BRIP1: variants seen among roughly 807,000 people sequenced by gnomAD.
BRIP1 encodes the protein Fanconi anemia group J protein.
Under a neutral mutation model 119.7 loss-of-function variants are expected in BRIP1, and 88 were observed. The observed-to-expected ratio is 0.74, with a 90% confidence interval of 0.62 to 0.88. The LOEUF is 0.88. Among genes scored for constraint, BRIP1 ranks in the 40% least tolerant of loss-of-function variants. The pLI is 0.00. For missense variants in BRIP1, 1,259 were observed against 1,455.4 expected, an observed-to-expected ratio of 0.87 and a Z score of 2.20; for synonymous variants, 443 against 496.5, an observed-to-expected ratio of 0.89 and a Z score of 1.43.
rs1356673624 is a variant in BRIP1 at position 61,685,720 on chromosome 17, C to T, written c.2905+116G>A. 2 of 952,062 alleles carry T rather than the reference C, an allele frequency of 2.1e-6. No homozygotes were observed. Among genetic ancestry groups the T allele is most frequent in the African/African-American group, 3.3e-5 (2 of 60,534 alleles). The allele number at this position is 952,062 out of a possible 1,614,324, so 59.0% of individuals were successfully genotyped here. The stretch of plus-strand genomic sequence containing the variant: ...ACTGTTTCACTATTTTATGATAACA[C>T]CTTATATTACAAACCACCATATTTA... On this transcript the variant is annotated intron_variant, in intron 19 of 19. Coordinates refer to ENST00000259008, the MANE Select transcript of BRIP1 (RefSeq NM_032043.3).
rs1280066733 is a variant in BRIP1, at chr17:61,842,142, TG to T, written c.627+4958del. Among the ~76,000 whole-genome samples the T allele has an allele frequency of 1.3e-5, 2 of 152,124 alleles. No homozygotes were observed. Among genetic ancestry groups the T allele is most frequent in the African/African-American group, 4.8e-5 (2 of 41,424 alleles). On this transcript the variant is annotated intron_variant, in intron 6 of 19. Coordinates refer to ENST00000259008, the MANE Select transcript of BRIP1 (RefSeq NM_032043.3). This position sits in a 1 kb window ranked among gnomAD's most constrained non-coding sequence, Gnocchi z 5.1. ...TGAAACCTTGTTATTTGCAGCAACATGGGTAAGCCTGGAAGATATTAAGTGA... is the reference window on the plus strand; with the variant it reads ...TGAAACCTTGTTATTTGCAGCAACATGGTAAGCCTGGAAGATATTAAGTGA...
At position 61,776,517 on chromosome 17, in the gene BRIP1, A is replaced by G. The variant is rs876660402; in HGVS notation, c.1981T>C (p.Cys661Arg). ...GTTTCAGTATTCTGGAAGGTAGCAC[A>G]GAGATTCCGACCCTTGGGGCCTGAC... ...IGSGPKGRNLCATFQNTETFE... is the reference protein window; with the variant it reads ...IGSGPKGRNLRATFQNTETFE... Residue 661 changes from cysteine to arginine, a missense_variant, in exon 14 of 20, where the codon TGT becomes CGT. Cys to Arg is a radical substitution (Grantham distance 180). This residue lies in a region of BRIP1 where 753 missense variants were observed against 891.8 expected (regional missense o/e 0.84). Transcript: ENST00000259008. This position sits in a 1 kb window ranked among gnomAD's most constrained non-coding sequence, Gnocchi z 5.0. 3 of 1,614,200 alleles carry G rather than the reference A, an allele frequency of 1.9e-6. No homozygotes were observed. The highest frequency in any genetic ancestry group is 1.3e-5 in the African/African-American group (1 of 75,060).
rs1013248459 is a variant in BRIP1, at chr17:61,717,858, C to G, written c.2380-1795G>C. ...ATGTCACTGACCCTCTTTTTTTTCACTCTACACTTCATTTTGGATAATTTT... is the reference window on the plus strand; with the variant it reads ...ATGTCACTGACCCTCTTTTTTTTCAGTCTACACTTCATTTTGGATAATTTT... On this transcript the variant is annotated intron_variant, in intron 16 of 19. Coordinates refer to ENST00000259008, the MANE Select transcript of BRIP1 (RefSeq NM_032043.3). This position sits in a 1 kb window ranked among gnomAD's most constrained non-coding sequence, Gnocchi z 4.1. 1.3e-5 allele frequency among the ~76,000 whole-genome samples: 2 copies of G among 151,878 alleles called. No homozygotes were observed. The highest frequency in any genetic ancestry group is 2.9e-5 in the Non-Finnish European group (2 of 67,968).
rs1222431614 is a variant in BRIP1, at chr17:61,709,724, CAA to C, written c.2492+6225_2492+6226del. ...TTAAATGAATTATGCCGGCTTGAGACAAAGATTATACTTTCAGTAAAGCAACA... is the reference window on the plus strand; with the variant it reads ...TTAAATGAATTATGCCGGCTTGAGACAGATTATACTTTCAGTAAAGCAACA... On this transcript the variant is annotated intron_variant, in intron 17 of 19. Coordinates refer to ENST00000259008, the MANE Select transcript of BRIP1 (RefSeq NM_032043.3). The surrounding 1 kb of genome is among the most constrained non-coding windows in gnomAD (Gnocchi z 5.0). Among the ~76,000 whole-genome samples, 3 of 152,150 alleles carry C rather than the reference CAA, an allele frequency of 2.0e-5. No homozygotes were observed. The highest frequency in any genetic ancestry group is 7.2e-5 in the African/African-American group (3 of 41,430).
rs2145640899 is a variant in BRIP1, at chr17:61,834,073, G to C, written c.627+13028C>G. On this transcript the variant is annotated intron_variant, in intron 6 of 19. Coordinates refer to ENST00000259008, the MANE Select transcript of BRIP1 (RefSeq NM_032043.3). This position sits in a 1 kb window ranked among gnomAD's most constrained non-coding sequence, Gnocchi z 4.4. ...ACTTTATTTATAAAAGCAGGCAGCA[G>C]GCTGTATTCTGCCCATGGGTCATAG... Among the ~76,000 whole-genome samples, 1 of 152,248 alleles carries C rather than the reference G, an allele frequency of 6.6e-6. No individual in the cohort carries two copies. Among genetic ancestry groups the C allele is most frequent in the South Asian group, 2.1e-4 (1 of 4,824 alleles).
intron 16 of BRIP1, among the ~76,000 whole-genome samples, chr17:61,741,340 A>G (rs2076984073): frequency 6.6e-6 from 1 of 152,180 alleles, no homozygotes; most frequent in Non-Finnish European, 1.5e-5. Flanking sequence ...GGATGGAATC[A>G]ATGACTTCCA....
intron 6 of BRIP1, among the ~76,000 whole-genome samples, chr17:61,819,184 TCAA>T (rs774539466): frequency 2.0e-5 from 1 of 49,326 alleles, no homozygotes; most frequent in African/African-American, 1.2e-4. Flanking sequence ...AGAATTTGTC[TCAA>T]AAAAAAAAAA....
intron 9 of BRIP1, among the ~76,000 whole-genome samples, chr17:61,797,468 C>A (rs1335424155): frequency 2.6e-5 from 4 of 151,916 alleles, no homozygotes; most frequent in Non-Finnish European, 4.4e-5. Context: ...CACTAGTGAT[C>A]TTGATCAAAA....
At position 61,754,798 on chromosome 17, in the gene BRIP1, A is replaced by C. The variant is rs991275950; in HGVS notation, c.2098-10207T>G. 1.3e-5 allele frequency among the ~76,000 whole-genome samples: 2 copies of C among 152,074 alleles called. No individual in the cohort carries two copies. The highest frequency in any genetic ancestry group is 4.8e-5 in the African/African-American group (2 of 41,414). The stretch of plus-strand genomic sequence containing the variant: ...GCCTTTCCTCTCTATTCAGAGAGGA[A>C]CAGGGAGAGAGAGCAATGAAGTTTT... On this transcript the variant is annotated intron_variant, in intron 14 of 19. Transcript: ENST00000259008. The surrounding 1 kb of genome is among the most constrained non-coding windows in gnomAD (Gnocchi z 4.1).
intron 17 of BRIP1, among the ~76,000 whole-genome samples, chr17:61,702,693 A>G (rs2061632616): frequency 6.6e-6 from 1 of 152,146 alleles, no homozygotes; most frequent in Non-Finnish European, 1.5e-5. Flanking sequence ...ACATTTTCTT[A>G]ATCCAGTCTA....
In BRIP1 at chr17:61,683,858, GA is replaced by G; in HGVS notation, c.3187del (p.Ser1063ArgfsTer15). 2 of 1,614,120 alleles carry G rather than the reference GA, an allele frequency of 1.2e-6. No homozygotes were observed. Among genetic ancestry groups the G allele is most frequent in the South Asian group, 2.2e-5 (2 of 91,078 alleles). On this transcript the variant is annotated frameshift_variant, in exon 20 of 20. Transcript: ENST00000259008. LOFTEE classifies it low-confidence loss of function (END_TRUNC). This position sits in a 1 kb window ranked among gnomAD's most constrained non-coding sequence, Gnocchi z 4.7. The part of the protein sequence containing the change: ...CESSNLTVNT[S>X]FGSCPQSETI... ...TTCTGATTGAGGGCATGATCCAAAC[GA>G]TGTGTTTACTGTCAGATTTGAGGAT...
intron 6 of BRIP1, among the ~76,000 whole-genome samples, chr17:61,833,603 G>C (rs1047338979): frequency 1.3e-5 from 2 of 151,524 alleles, no homozygotes; most frequent in Non-Finnish European, 1.5e-5. Context: ...CCCAGGAGGT[G>C]GAGGTTGCAG....
chr17:61,784,197 G>A (rs2145133179), intron 11 of BRIP1, 73 bp downstream of exon 11: 2 of 1,348,452 alleles, frequency 1.5e-6, no homozygotes, highest in Non-Finnish European at 2.1e-6. Context: ...AAATAGGTAT[G>A]TATTAAACAC....
At position 61,716,464 on chromosome 17, in the gene BRIP1, C is replaced by T. The variant is rs1189962918; in HGVS notation, c.2380-401G>A. ...CTTCCACTGCTGGCCCTGGCAACCA[C>T]TGATCTGCTTTCTGTTTTGCCCTTT... is the stretch of plus-strand genomic sequence containing the variant. On this transcript the variant is annotated intron_variant, in intron 16 of 19. Coordinates refer to ENST00000259008, the MANE Select transcript of BRIP1 (RefSeq NM_032043.3). 2.6e-5 allele frequency among the ~76,000 whole-genome samples: 4 copies of T among 152,086 alleles called. No homozygotes were observed. The East Asian group carries it at 7.7e-4, about 29-fold the overall frequency.
chr17:61,821,387 G>C (rs148873470), intron 6 of BRIP1, among the ~76,000 whole-genome samples: 10 of 152,100 alleles, frequency 6.6e-5, no homozygotes, highest in Admixed American at 3.3e-4. Flanking sequence ...TTGTTACTTG[G>C]GGGTGGAGAG....
intron 6 of BRIP1, among the ~76,000 whole-genome samples, chr17:61,840,275 T>C (rs1340356392): frequency 1.3e-5 from 2 of 149,740 alleles, no homozygotes; most frequent in Non-Finnish European, 3.0e-5. Flanking sequence ...GGAGAATCAC[T>C]TGAACCCAGG....
In BRIP1 at chr17:61,793,102, A is replaced by G. The variant is rs2145232567; in HGVS notation, c.1473+495T>C. On this transcript the variant is annotated intron_variant, in intron 10 of 19. Coordinates refer to ENST00000259008, the MANE Select transcript of BRIP1 (RefSeq NM_032043.3). This position sits in a 1 kb window ranked among gnomAD's most constrained non-coding sequence, Gnocchi z 5.2. The stretch of plus-strand genomic sequence containing the variant: ...TTATCGGCAAAAAACATTAGAAAAT[A>G]TAATGAAATTTATGCAGCCTCTATT... Among the ~76,000 whole-genome samples the G allele has an allele frequency of 6.6e-6, 1 of 152,316 alleles. No individual in the cohort carries two copies. The highest frequency in any genetic ancestry group is 1.5e-5 in the Non-Finnish European group (1 of 68,018).
intron 3 of BRIP1, among the ~76,000 whole-genome samples, chr17:61,858,560 A>T (rs1186197892): frequency 6.6e-6 from 1 of 151,986 alleles, no homozygotes; most frequent in Non-Finnish European, 1.5e-5. Flanking sequence ...TTTAGTAGAG[A>T]CGGGGTTTCT....
chr17:61,731,725 A>G (rs1049975556), intron 16 of BRIP1, among the ~76,000 whole-genome samples: 2 of 152,148 alleles, frequency 1.3e-5, no homozygotes, highest in Non-Finnish European at 2.9e-5. Context: ...AAGACCTGCT[A>G]TAACATTCCC....
Sources: gnomAD v4.1 joint callset for allele counts (sites outside exome capture counted in the v4.1 genomes callset) on GRCh38, gnomAD v4.1.1 for gene constraint, gnomAD v4.1.1 regional missense constraint, Gnocchi (gnomAD v3.1) non-coding constraint, MANE v1.5 for transcripts, NCBI Gene and HGNC (gene_info 2026-07-23, HGNC 2026-07-21) for gene names.